LRRTM3: variants seen among roughly 807,000 people sequenced by gnomAD.
LRRTM3 encodes the protein leucine rich repeat transmembrane neuronal 3, also known as leucine-rich repeat transmembrane neuronal protein 3.
A neutral mutation model predicts 44.7 loss-of-function variants in LRRTM3; 24 were observed. That is an observed-to-expected ratio of 0.54 (90% CI 0.39 to 0.76). The LOEUF is 0.76. LRRTM3 is among the 30% of genes least tolerant of loss of function. The pLI is 0.00. For synonymous variants in LRRTM3, 277 were observed against 278.7 expected, an observed-to-expected ratio of 0.99 and a Z score of 0.06; for missense variants, 587 against 702.2, an observed-to-expected ratio of 0.84 and a Z score of 1.85.
intron 2 of LRRTM3, among the ~76,000 whole-genome samples, chr10:66,981,216 T>A (rs1328493337): frequency 1.3e-5 from 2 of 152,202 alleles, no homozygotes; most frequent in African/African-American, 2.4e-5. Flanking sequence ...ATCCAGTTTT[T>A]CTAGTAGTTT....
chr10:67,070,921 T>C (rs968045158), intron 2 of LRRTM3, among the ~76,000 whole-genome samples: 3 of 152,234 alleles, frequency 2.0e-5, no homozygotes, highest in Admixed American at 1.3e-4. Context: ...TGTAGTAACA[T>C]GCTAACTACA....
At chr10:66,986,674 T>C (rs1236153957) in intron 2 of LRRTM3, among the ~76,000 whole-genome samples, 1 of 152,152 alleles carries the variant, frequency 6.6e-6, no homozygotes, top group African/African-American at 2.4e-5. Context: ...CAACTATACC[T>C]TGTAAGTCAA....
intron 2 of LRRTM3, among the ~76,000 whole-genome samples, chr10:67,064,926 A>T (rs1369689057): frequency 6.6e-6 from 1 of 152,236 alleles, no homozygotes; most frequent in African/African-American, 2.4e-5. Context: ...TGAGGCAAGA[A>T]GAACTTTCAA....
intron 2 of LRRTM3, among the ~76,000 whole-genome samples, chr10:67,087,859 T>C (rs555107787): frequency 6.6e-6 from 1 of 152,236 alleles, no homozygotes; most frequent in East Asian, 1.9e-4. Flanking sequence ...CAAGTATTCA[T>C]TCATTCAATA....
chr10:66,931,190 G>GT (rs916814608), intron 2 of LRRTM3, among the ~76,000 whole-genome samples: 1 of 25,590 alleles, frequency 3.9e-5, no homozygotes, highest in African/African-American at 1.1e-4. Flanking sequence ...GGTGACAACA[G>GT]TTAAAAAAAA....
intron 2 of LRRTM3, among the ~76,000 whole-genome samples, chr10:66,965,016 C>G (rs1425664405): frequency 6.6e-6 from 1 of 152,188 alleles, no homozygotes; most frequent in African/African-American, 2.4e-5. Flanking sequence ...CCACGTTCCA[C>G]TCTTGAATTA....
rs186595239 is a variant in LRRTM3, at chr10:67,060,422, A to C, written c.1537-37165A>C. 2.4e-3 allele frequency among the ~76,000 whole-genome samples: 363 copies of C among 152,364 alleles called. 1 individual carries two copies. Among genetic ancestry groups the C allele is most frequent in the African/African-American group, 8.2e-3 (340 of 41,594 alleles). On this transcript the variant is annotated intron_variant, in intron 2 of 2. Transcript: ENST00000361320. Reference sequence around the variant, plus strand: ...TATGTTCTAGTATTGAAGCACTTTCATGAAATTTTAATTTATACTCAAGTA... The same window carrying C: ...TATGTTCTAGTATTGAAGCACTTTCCTGAAATTTTAATTTATACTCAAGTA...
intron 2 of LRRTM3, among the ~76,000 whole-genome samples, chr10:66,946,070 T>C (rs1013638589): frequency 1.3e-5 from 2 of 152,152 alleles, no homozygotes; most frequent in Non-Finnish European, 2.9e-5. Flanking sequence ...AATGAGCACA[T>C]GCTGTTGAAA....
intron 2 of LRRTM3, among the ~76,000 whole-genome samples, chr10:67,005,821 G>A (rs1178844693): frequency 6.6e-6 from 1 of 150,972 alleles, no homozygotes; most frequent in South Asian, 2.1e-4. Context: ...GAGTAACTGG[G>A]ATTACAGGTG....
intron 2 of LRRTM3, among the ~76,000 whole-genome samples, chr10:66,999,681 T>A (rs1287831681): frequency 6.6e-6 from 1 of 152,130 alleles, no homozygotes; most frequent in Non-Finnish European, 1.5e-5. Context: ...TTAACTTAGA[T>A]AGAAAGTAGA....
chr10:67,088,368 AT>A (rs1564882858), intron 2 of LRRTM3, among the ~76,000 whole-genome samples: 1 of 151,966 alleles, frequency 6.6e-6, no homozygotes, highest in African/African-American at 2.4e-5. Flanking sequence ...AAAACAATGC[AT>A]ATAGCCAATC....
intron 2 of LRRTM3, among the ~76,000 whole-genome samples, chr10:67,091,700 G>A (rs1190130009): frequency 4.6e-5 from 7 of 152,034 alleles, no homozygotes; most frequent in Admixed American, 4.6e-4. Flanking sequence ...AGAGATGAGA[G>A]ATGTGTGTGC....
chr10:66,979,564 G>A (rs544056711), intron 2 of LRRTM3, among the ~76,000 whole-genome samples: 41 of 152,044 alleles, frequency 2.7e-4, no homozygotes, highest in Non-Finnish European at 4.7e-4. Flanking sequence ...CCATACTTCT[G>A]GCCATGCGAC....
chr10:66,933,541 A>T (rs1352370001), intron 2 of LRRTM3, among the ~76,000 whole-genome samples: 5 of 152,172 alleles, frequency 3.3e-5, no homozygotes, highest in Non-Finnish European at 7.4e-5. Flanking sequence ...TTGAGCAAAA[A>T]GTAATTGCAT....
At chr10:67,006,105 C>T (rs761670973) in intron 2 of LRRTM3, among the ~76,000 whole-genome samples, 1 of 152,092 alleles carries the variant, frequency 6.6e-6, no homozygotes, top group Non-Finnish European at 1.5e-5. Flanking sequence ...ACTTTACAAA[C>T]AACTTTGCAA....
chr10:67,005,350 A>T (rs1361423957), intron 2 of LRRTM3, among the ~76,000 whole-genome samples: 1 of 152,086 alleles, frequency 6.6e-6, no homozygotes, highest in East Asian at 1.9e-4. Context: ...ATCTAAATAC[A>T]CTTTATCTAA....
intron 2 of LRRTM3, among the ~76,000 whole-genome samples, chr10:66,998,123 C>T (rs1314977425): frequency 6.6e-6 from 1 of 152,192 alleles, no homozygotes; most frequent in Non-Finnish European, 1.5e-5. Flanking sequence ...CATTCCCCTA[C>T]ATAAATAAGA....
chr10:66,976,624 C>T (rs967450350), intron 2 of LRRTM3, among the ~76,000 whole-genome samples: 1 of 152,162 alleles, frequency 6.6e-6, no homozygotes, highest in African/African-American at 2.4e-5. Context: ...GCATTTTTGG[C>T]CCTTTTCAAT....
intron 2 of LRRTM3, among the ~76,000 whole-genome samples, chr10:67,006,536 T>C (rs1852001664): frequency 9.4e-6 from 1 of 106,950 alleles, no homozygotes; most frequent in African/African-American, 3.1e-5. Context: ...CCAGATGTTT[T>C]CTATTCTCTT....
Sources: allele counts gnomAD v4.1 joint callset (sites outside exome capture counted in the v4.1 genomes callset), GRCh38; gene constraint gnomAD v4.1.1; transcripts MANE v1.5; gene names NCBI Gene and HGNC (gene_info 2026-07-23, HGNC 2026-07-21).